The following MAP4K3 variants were observed in gnomAD, a reference collection of about 807,000 sequenced individuals.
The protein encoded by MAP4K3 is MAPK/ERK kinase kinase kinase 3.
MAP4K3 carries 94 observed loss-of-function variants against 143.5 expected under a neutral mutation model. The ratio of observed to expected loss-of-function variants is 0.65; its 90% CI spans 0.55 to 0.78. The LOEUF (loss-of-function observed/expected upper bound fraction) is 0.78. Among genes scored for constraint, MAP4K3 ranks in the 30% least tolerant of loss-of-function variants. The probability of loss-of-function intolerance (pLI) is 0.00; values close to 1 mark genes in which losing one functional copy is unlikely to be tolerated. For missense variants in MAP4K3, 1,077 were observed against 1,068.1 expected, an observed-to-expected ratio of 1.01 and a Z score of -0.12; for synonymous variants, 416 against 347.2, an observed-to-expected ratio of 1.20 and a Z score of -2.20.
chr2:39,325,551 G>C lies in MAP4K3; in HGVS notation c.885C>G (p.Ser295=). ...LLDKVNNPDH[S]TYHDFDDDDP... The stretch of plus-strand genomic sequence containing the variant: ...CATCATCATCGAAATCATGGTAAGT[G>C]GAATGATCTGGATTATTTACTTTAT... Residue 295 remains serine (S), a synonymous_variant, in exon 12 of 34, where the codon TCC becomes TCG. Transcript: ENST00000263881. 6.2e-7 allele frequency: 1 copy of C among 1,612,570 alleles called. No homozygotes were observed. Among genetic ancestry groups the C allele is most frequent in the Non-Finnish European group, 8.5e-7 (1 of 1,179,526 alleles).
At chr2:39,346,176 A>AT (rs1665286061) in intron 3 of MAP4K3, among the ~76,000 whole-genome samples, 1 of 152,288 alleles carries the variant, frequency 6.6e-6, no homozygotes, top group Admixed American at 6.5e-5. Context: ...GGTCTTTCTA[A>AT]TCCCCCAGAG....
intron 2 of MAP4K3, among the ~76,000 whole-genome samples, chr2:39,358,219 A>G (rs1238572873): frequency 6.6e-6 from 1 of 152,200 alleles, no homozygotes; most frequent in Non-Finnish European, 1.5e-5. Flanking sequence ...TGATCTTTGT[A>G]TTGAGCACTT....
intron 19 of MAP4K3, among the ~76,000 whole-genome samples, chr2:39,288,700 A>C (rs973309537): frequency 3.9e-5 from 6 of 152,180 alleles, no homozygotes; most frequent in African/African-American, 1.2e-4. Flanking sequence ...AGATGACTCA[A>C]TGTCTTTATG....
At chr2:39,349,419 T>A (rs1665387035) in intron 3 of MAP4K3, among the ~76,000 whole-genome samples, 1 of 152,144 alleles carries the variant, frequency 6.6e-6, no homozygotes, top group Non-Finnish European at 1.5e-5. Context: ...TAATTATACC[T>A]AATAATCCCC....
chr2:39,302,248 T>C (rs951685558), intron 15 of MAP4K3, among the ~76,000 whole-genome samples: 2 of 152,116 alleles, frequency 1.3e-5, no homozygotes, highest in African/African-American at 2.4e-5. Context: ...CCAGGAAAGG[T>C]GAAATTCAAA....
intron 1 of MAP4K3, among the ~76,000 whole-genome samples, chr2:39,403,898 A>AGGATCT (rs1667021402): frequency 1.3e-5 from 2 of 150,576 alleles, no homozygotes; most frequent in African/African-American, 4.9e-5. Flanking sequence ...CAGCCACACT[A>AGGATCT]GGATATAAGA....
intron 1 of MAP4K3, among the ~76,000 whole-genome samples, chr2:39,423,518 G>A (rs1321007773): frequency 6.6e-6 from 1 of 152,110 alleles, no homozygotes; most frequent in South Asian, 2.1e-4. Flanking sequence ...AAACAACCAA[G>A]ATGTTCTTCA....
intron 2 of MAP4K3, among the ~76,000 whole-genome samples, chr2:39,365,651 A>G (rs1459756665): frequency 1.3e-5 from 2 of 150,656 alleles, no homozygotes; most frequent in African/African-American, 4.9e-5. Context: ...TCACCTTGTT[A>G]GCCAGGATGG....
intron 1 of MAP4K3, among the ~76,000 whole-genome samples, chr2:39,431,959 G>A (rs1382216644): frequency 3.3e-5 from 5 of 152,014 alleles, no homozygotes; most frequent in African/African-American, 1.2e-4. Flanking sequence ...GGTCGGTTGT[G>A]CAATTATGGA....
At chr2:39,306,992 C>A (rs1432878619) in intron 15 of MAP4K3, among the ~76,000 whole-genome samples, 4 of 152,126 alleles carry the variant, frequency 2.6e-5, no homozygotes, top group Non-Finnish European at 5.9e-5. Context: ...ATATTCTGTC[C>A]AATAGGACAG....
intron 2 of MAP4K3, among the ~76,000 whole-genome samples, chr2:39,366,036 G>C (rs769997484): frequency 1.3e-5 from 2 of 152,154 alleles, no homozygotes; most frequent in Non-Finnish European, 2.9e-5. Flanking sequence ...CAGTACTTCA[G>C]TTGTTCGTGA....
intron 20 of MAP4K3, 90 bp downstream of exon 20, chr2:39,288,031 G>T: frequency 1.3e-6 from 2 of 1,487,432 alleles, no homozygotes; most frequent in South Asian, 1.2e-5. Context: ...TCCACCAAAA[G>T]AATTTCAAAT....
rs111562152 is a variant in MAP4K3, at chr2:39,410,934, T to C, written c.96+25958A>G. 3.0e-3 allele frequency among the ~76,000 whole-genome samples: 459 copies of C among 152,306 alleles called. 3 individuals are homozygous for C. The highest frequency in any genetic ancestry group is 3.5e-3 in the Non-Finnish European group (235 of 68,028). On this transcript the variant is annotated intron_variant, in intron 1 of 33. Transcript: ENST00000263881. Reference sequence around the variant, plus strand: ...AAAGAAACATATCTTCACCATATAATCTACATTAGCATTAAATACACCTTT... The same window carrying C: ...AAAGAAACATATCTTCACCATATAACCTACATTAGCATTAAATACACCTTT...
chr2:39,328,649 G>A (rs72801448), intron 8 of MAP4K3, among the ~76,000 whole-genome samples: 75 of 152,236 alleles, frequency 4.9e-4, no homozygotes, highest in Admixed American at 9.8e-4. Context: ...TACCACCACA[G>A]CATACAAGTT....
At chr2:39,295,720 T>G (rs1408331915) in intron 16 of MAP4K3, among the ~76,000 whole-genome samples, 2 of 149,520 alleles carry the variant, frequency 1.3e-5, no homozygotes, top group African/African-American at 4.9e-5. Context: ...TCCATGTTTT[T>G]TTTTTTTTTT....
At chr2:39,282,387 G>T in intron 22 of MAP4K3, 126 bp downstream of exon 22, 1 of 756,454 alleles carries the variant, frequency 1.3e-6, no homozygotes, top group Non-Finnish European at 2.2e-6. Context: ...AATTAAATTA[G>T]CAATCTTATA....
rs1573131206 is a variant in MAP4K3 at position 39,310,665 on chromosome 2, G to C, written c.998-1146C>G. On this transcript the variant is annotated intron_variant, in intron 13 of 33. Coordinates refer to ENST00000263881, the MANE Select transcript of MAP4K3 (RefSeq NM_003618.4). ...TTAGTTCTTGAGGAACCTCCATACT[G>C]TTTACCATAGTGGCTGTACTAATTT... Among the ~76,000 whole-genome samples, 3 of 152,232 alleles carry C rather than the reference G, an allele frequency of 2.0e-5. No individual in the cohort carries two copies. In the East Asian group the frequency reaches 5.8e-4, roughly 29 times the overall value.
chr2:39,268,316 T>C (rs1467569520), intron 26 of MAP4K3, among the ~76,000 whole-genome samples: 3 of 152,200 alleles, frequency 2.0e-5, no homozygotes, highest in Non-Finnish European at 2.9e-5. Flanking sequence ...ATACTTTTTA[T>C]TATTAAATTT....
At chr2:39,362,226 G>A (rs1393929786) in intron 2 of MAP4K3, among the ~76,000 whole-genome samples, 1 of 152,096 alleles carries the variant, frequency 6.6e-6, no homozygotes, top group African/African-American at 2.4e-5. Context: ...CCTGGATCAT[G>A]TTAAATGTCC....
Sources: gnomAD v4.1 joint callset for allele counts (sites outside exome capture counted in the v4.1 genomes callset) on GRCh38, gnomAD v4.1.1 for gene constraint, MANE v1.5 for transcripts, NCBI Gene and HGNC (gene_info 2026-07-23, HGNC 2026-07-21) for gene names.